AGBL1: variants seen among roughly 807,000 people sequenced by gnomAD.
AGBL1 encodes the protein cytosolic carboxypeptidase 4.
AGBL1 carries 130 observed loss-of-function variants against 118.9 expected under a neutral mutation model. That is an observed-to-expected ratio of 1.09 (90% CI 0.95 to 1.26). The LOEUF is 1.26. AGBL1 is among the 50% of genes most tolerant of loss of function. The probability of loss-of-function intolerance (pLI) is 0.00; values close to 1 mark genes in which losing one functional copy is unlikely to be tolerated. For missense variants in AGBL1, 1,584 were observed against 1,298.1 expected (o/e 1.22, Z -3.38); for synonymous variants, 555 against 478.9 (o/e 1.16, Z -2.08).
chr15:86,329,849 G>A (rs189736080), intron 17 of AGBL1, among the ~76,000 whole-genome samples: 3 of 152,098 alleles, frequency 2.0e-5, no homozygotes, highest in Non-Finnish European at 4.4e-5. Context: ...CACTTTTCCT[G>A]TGCAGAGATC....
At chr15:86,731,395 A>G (rs2141216318) in intron 22 of AGBL1, among the ~76,000 whole-genome samples, 1 of 152,294 alleles carries the variant, frequency 6.6e-6, no homozygotes, top group East Asian at 1.9e-4. Flanking sequence ...CATTGTTGAA[A>G]ATAGAAAATG....
chr15:86,331,209 G>T (rs1047184815), intron 17 of AGBL1, among the ~76,000 whole-genome samples: 1 of 136,130 alleles, frequency 7.3e-6, no homozygotes, highest in African/African-American at 2.8e-5. Context: ...GGGTGACAGA[G>T]TGAGACTCCA....
At chr15:86,753,708 C>T (rs2077891136) in intron 22 of AGBL1, among the ~76,000 whole-genome samples, 1 of 151,958 alleles carries the variant, frequency 6.6e-6, no homozygotes, top group Non-Finnish European at 1.5e-5. Flanking sequence ...TCAAGGCTGT[C>T]TTTCTAACTG....
chr15:86,715,995 G>A (rs1044270303), intron 22 of AGBL1, among the ~76,000 whole-genome samples: 2 of 151,258 alleles, frequency 1.3e-5, no homozygotes, highest in African/African-American at 2.4e-5. Context: ...GAACCCGGGA[G>A]GTGGAGCTTG....
chr15:86,765,733 G>A (rs2078088656), intron 22 of AGBL1, among the ~76,000 whole-genome samples: 2 of 151,878 alleles, frequency 1.3e-5, no homozygotes, highest in African/African-American at 4.8e-5. Flanking sequence ...CTCTGTCATG[G>A]CAGTGTAGAT....
intron 18 of AGBL1, among the ~76,000 whole-genome samples, chr15:86,441,926 A>G (rs1567262242): frequency 1.3e-5 from 2 of 152,228 alleles, no homozygotes; most frequent in African/African-American, 4.8e-5. Flanking sequence ...GAACTTAAGG[A>G]AAGTTAAGGT....
At chr15:86,211,287 A>G (rs1597559805) in intron 5 of AGBL1, among the ~76,000 whole-genome samples, 1 of 152,206 alleles carries the variant, frequency 6.6e-6, no homozygotes, top group Non-Finnish European at 1.5e-5. Context: ...TAGGCTACAC[A>G]GGGGTCAGGG....
intron 21 of AGBL1, among the ~76,000 whole-genome samples, chr15:86,584,683 G>C (rs1312037036): frequency 6.6e-6 from 1 of 152,082 alleles, no homozygotes. Flanking sequence ...GGTTCCATAT[G>C]AATTTTAGAA....
At chr15:86,670,628 A>ACACACACACACAC (rs59416251) in intron 21 of AGBL1, among the ~76,000 whole-genome samples, 9 of 48,464 alleles carry the variant, frequency 1.9e-4, no homozygotes, top group Admixed American at 9.9e-4. Flanking sequence ...CACACACACA[A>ACACACACACACAC]ACACGCTGTG....
chr15:86,158,962 G>T lies in AGBL1; in HGVS notation c.424G>T (p.Gly142Ter), dbSNP rs1293484716. 1.9e-6 allele frequency: 3 copies of T among 1,613,336 alleles called. No individual in the cohort carries two copies. The South Asian group carries it at 3.3e-5, about 18-fold the overall frequency. Reference sequence around the variant, plus strand: ...CATGGGAGCCATGCTGGGAATTAATGGAGCCATGGAACTGCTTTTCAAGGT... The same window carrying T: ...CATGGGAGCCATGCTGGGAATTAATTGAGCCATGGAACTGCTTTTCAAGGT... ...VSMGAMLGINGAMELLFKVIT... is the reference protein window; with the variant it reads ...VSMGAMLGIN Residue 142 changes from glycine (G) to a stop codon, truncating the protein, a stop_gained, in exon 5 of 23, where the codon GGA becomes TGA. Coordinates refer to ENST00000614907, the MANE Select transcript of AGBL1 (RefSeq NM_001386094.1). LOFTEE classifies it high-confidence loss of function.
intron 17 of AGBL1, among the ~76,000 whole-genome samples, chr15:86,332,529 C>T (rs2080287924): frequency 1.3e-5 from 2 of 151,872 alleles, no homozygotes; most frequent in African/African-American, 4.8e-5. Flanking sequence ...GCCTGTAGTC[C>T]CAGCTACTCA....
rs995055391 is a variant in AGBL1 at position 86,450,494 on chromosome 15, G to T, written c.2555+52948G>T. Among the ~76,000 whole-genome samples, 28 of 152,168 alleles carry T rather than the reference G, an allele frequency of 1.8e-4. 1 individual carries two copies. The highest frequency in any genetic ancestry group is 5.8e-4 in the African/African-American group (24 of 41,436). On this transcript the variant is annotated intron_variant, in intron 18 of 22. Transcript: ENST00000614907. ...TTTGCTCTAGAATGAAGTGTTTGGG[G>T]CCACATGCTTCCTGTCTCCTAGATT...
chr15:86,786,900 T>C (rs974061940), intron 22 of AGBL1, among the ~76,000 whole-genome samples: 9 of 152,106 alleles, frequency 5.9e-5, no homozygotes, highest in African/African-American at 2.2e-4. Flanking sequence ...GTATGGAGAG[T>C]GTCGAGCCAA....
chr15:86,740,430 T>G (rs966451006), intron 22 of AGBL1, among the ~76,000 whole-genome samples: 1 of 152,190 alleles, frequency 6.6e-6, no homozygotes, highest in Non-Finnish European at 1.5e-5. Flanking sequence ...CCCCACACTC[T>G]TGTGTTCTTT....
intron 5 of AGBL1, among the ~76,000 whole-genome samples, chr15:86,167,331 C>T (rs1335736405): frequency 6.6e-6 from 1 of 151,934 alleles, no homozygotes; most frequent in East Asian, 1.9e-4. Flanking sequence ...CTGCAACCTC[C>T]ACCTCCTGGG....
At chr15:86,901,610 A>C (rs1432349356) in intron 22 of AGBL1, among the ~76,000 whole-genome samples, 1 of 152,072 alleles carries the variant, frequency 6.6e-6, no homozygotes, top group East Asian at 1.9e-4. Context: ...CCTTTCTTTA[A>C]ATAATTTTTT....
At chr15:87,013,265 G>C (rs1446256888) in intron 24 of AGBL1, among the ~76,000 whole-genome samples, 2 of 152,096 alleles carry the variant, frequency 1.3e-5, no homozygotes, top group East Asian at 1.9e-4. Context: ...TGAAAGGTCT[G>C]GCAAGACAGG....
At chr15:86,652,348 C>T (rs1346462720) in intron 21 of AGBL1, among the ~76,000 whole-genome samples, 1 of 152,140 alleles carries the variant, frequency 6.6e-6, no homozygotes, top group Non-Finnish European at 1.5e-5. Flanking sequence ...ACAGGGATCT[C>T]AGCCTCCTAA....
chr15:86,183,205 C>G (rs1805020118), intron 5 of AGBL1, among the ~76,000 whole-genome samples: 2 of 152,124 alleles, frequency 1.3e-5, no homozygotes, highest in African/African-American at 4.8e-5. Flanking sequence ...ATATTCCATT[C>G]CTGTTTCTCA....
Sources: allele counts gnomAD v4.1 joint callset (sites outside exome capture counted in the v4.1 genomes callset), GRCh38; gene constraint gnomAD v4.1.1; transcripts MANE v1.5; gene names NCBI Gene and HGNC (gene_info 2026-07-23, HGNC 2026-07-21).